The following CTNNA2 variants were observed in gnomAD, a reference collection of about 807,000 sequenced individuals.
The protein encoded by CTNNA2 is catenin alpha 2, also known as catenin alpha-2.
A neutral mutation model predicts 101.0 loss-of-function variants in CTNNA2; 42 were observed. That is an observed-to-expected ratio of 0.42 (90% CI 0.32 to 0.54). The LOEUF is 0.54. Ranked by LOEUF, CTNNA2 falls within the 20% of genes least tolerant of loss-of-function variation. CTNNA2 has a pLI of 0.14. For synonymous variants in CTNNA2, 450 were observed against 456.4 expected (o/e 0.99, Z 0.18); for missense variants, 871 against 1,223.1 (o/e 0.71, Z 4.29).
intron 5 of CTNNA2, among the ~76,000 whole-genome samples, chr2:79,870,482 G>A (rs1682503013): frequency 6.6e-6 from 1 of 152,024 alleles, no homozygotes. Flanking sequence ...AGTGGGGAAG[G>A]GGAGGAAGGG....
chr2:80,103,519 A>G lies in CTNNA2; in HGVS notation c.1056+193722A>G, dbSNP rs570134214. ...TTCCAAGAGGGGTATAATTTAGTCT[A>G]TAACAATCCAAGTGTAAGGCACCTG... On this transcript the variant is annotated intron_variant, in intron 7 of 18. Coordinates refer to ENST00000402739, the MANE Select transcript of CTNNA2 (RefSeq NM_001282597.3). Among the ~76,000 whole-genome samples the G allele has an allele frequency of 5.3e-5, 8 of 152,296 alleles. No individual in the cohort carries two copies. In the East Asian group the frequency reaches 1.6e-3, roughly 30 times the overall value.
chr2:80,398,683 C>T (rs1478574165), intron 8 of CTNNA2, among the ~76,000 whole-genome samples: 5 of 143,158 alleles, frequency 3.5e-5, no homozygotes, highest in East Asian at 2.1e-4. Context: ...GGTGAAACTC[C>T]GTCTCTGCTA....
rs187032523 is a variant in CTNNA2, at chr2:79,764,773, C to T, written c.298+20191C>T. 1.5e-3 allele frequency among the ~76,000 whole-genome samples: 232 copies of T among 152,168 alleles called. 1 individual carries two copies. Among genetic ancestry groups the T allele is most frequent in the African/African-American group, 5.4e-3 (222 of 41,494 alleles). ...CTTAAAATTGCCTTTTTTTAAAAGA[C>T]TTCATTTTGCTTTAGATAGACTAAA... On this transcript the variant is annotated intron_variant, in intron 3 of 18. Coordinates refer to ENST00000402739, the MANE Select transcript of CTNNA2 (RefSeq NM_001282597.3).
chr2:79,709,653 C>A (rs561372442), intron 2 of CTNNA2, among the ~76,000 whole-genome samples: 2 of 152,150 alleles, frequency 1.3e-5, no homozygotes, highest in East Asian at 1.9e-4. Flanking sequence ...GTGACTACTG[C>A]AGTATGCCAG....
intron 3 of CTNNA2, among the ~76,000 whole-genome samples, chr2:79,822,692 C>T (rs1284699604): frequency 6.6e-6 from 1 of 152,128 alleles, no homozygotes; most frequent in Non-Finnish European, 1.5e-5. Flanking sequence ...CTTCATATGG[C>T]TATTCTCATC....
chr2:79,896,043 G>C (rs1684692106), intron 6 of CTNNA2, among the ~76,000 whole-genome samples: 1 of 152,106 alleles, frequency 6.6e-6, no homozygotes, highest in Admixed American at 6.5e-5. Flanking sequence ...AGCACTTTGG[G>C]AGGCTGAGGG....
In CTNNA2 at chr2:79,695,055, G is replaced by A. The variant is rs117476183; in HGVS notation, c.102+43397G>A. 7.2e-3 allele frequency among the ~76,000 whole-genome samples: 1,073 copies of A among 148,820 alleles called. 38 individuals carry two copies. The East Asian group carries it at 0.1, about 14-fold the overall frequency. ...TTTTTTTTGGGGTATTATGTGAAAA[G>A]AAATCTTCTCTTTCACATTACTTTT... On this transcript the variant is annotated intron_variant, in intron 2 of 18. Transcript: ENST00000402739.
intron 4 of CTNNA2, among the ~76,000 whole-genome samples, chr2:79,415,876 A>G (rs1327954423): frequency 6.6e-6 from 1 of 152,162 alleles, no homozygotes; most frequent in Non-Finnish European, 1.5e-5. Flanking sequence ...CAGTCTTACA[A>G]TTGGGGAAGT....
chr2:80,613,802 GGAGACATGGATTGACC>G (rs1395278581), intron 17 of CTNNA2, among the ~76,000 whole-genome samples: 1 of 151,438 alleles, frequency 6.6e-6, no homozygotes. Flanking sequence ...TACCTTAACT[GGAGACATGGATTGACC>G]TTAATTCGAT....
chr2:79,852,051 T>C (rs1203110493), intron 3 of CTNNA2, among the ~76,000 whole-genome samples: 1 of 152,152 alleles, frequency 6.6e-6, no homozygotes, highest in Non-Finnish European at 1.5e-5. Flanking sequence ...TCTCATCTTT[T>C]CTAAGAATTC....
intron 9 of CTNNA2, among the ~76,000 whole-genome samples, chr2:80,483,368 T>TTATA (rs10635965): frequency 0.2 from 29,055 of 145,908 alleles, 3,601 homozygotes; most frequent in East Asian, 0.61. Flanking sequence ...TGTTGTTGTT[T>TTATA]TATATATATA....
chr2:79,886,308 G>C (rs1489084466), intron 6 of CTNNA2, among the ~76,000 whole-genome samples: 2 of 152,144 alleles, frequency 1.3e-5, no homozygotes, highest in African/African-American at 4.8e-5. Flanking sequence ...GGTGGGTAAA[G>C]CCTGCATAAA....
chr2:79,476,214 C>G (rs534926222), intron 4 of CTNNA2, among the ~76,000 whole-genome samples: 1 of 152,234 alleles, frequency 6.6e-6, no homozygotes, highest in Non-Finnish European at 1.5e-5. Flanking sequence ...GAATCTCAGC[C>G]AAGCCATGCA....
At chr2:79,531,193 CTCATATATATAT>C (rs1672714317) in intron 1 of CTNNA2, among the ~76,000 whole-genome samples, 1 of 97,402 alleles carries the variant, frequency 1.0e-5, no homozygotes, top group Admixed American at 1.3e-4. Context: ...AATAGATACG[CTCATATATATAT>C]ATATATATAT....
chr2:80,613,881 A>G (rs934105581), intron 17 of CTNNA2, among the ~76,000 whole-genome samples: 2 of 151,454 alleles, frequency 1.3e-5, no homozygotes, highest in Non-Finnish European at 1.5e-5. Context: ...TGGGCTGACG[A>G]GTAATTTCTA....
chr2:80,086,984 A>G (rs896471182), intron 7 of CTNNA2, among the ~76,000 whole-genome samples: 4 of 152,040 alleles, frequency 2.6e-5, no homozygotes, highest in Non-Finnish European at 5.9e-5. Flanking sequence ...GAGGATTACT[A>G]ACAGAGCAGC....
intron 7 of CTNNA2, among the ~76,000 whole-genome samples, chr2:80,321,277 G>C (rs1032946643): frequency 7.2e-5 from 11 of 152,172 alleles, no homozygotes; most frequent in Admixed American, 4.6e-4. Context: ...GGCTTTGGAG[G>C]TTTCATTGGG....
chr2:79,967,678 T>C (rs1457753893), intron 7 of CTNNA2, among the ~76,000 whole-genome samples: 1 of 152,216 alleles, frequency 6.6e-6, no homozygotes, highest in Non-Finnish European at 1.5e-5. Context: ...TTAAAAGTTA[T>C]ACATAGAATT....
chr2:79,699,568 C>T (rs1684855485), intron 2 of CTNNA2, among the ~76,000 whole-genome samples: 2 of 151,622 alleles, frequency 1.3e-5, no homozygotes, highest in Admixed American at 6.6e-5. Flanking sequence ...GGGGTATTCC[C>T]ATATGGATCC....
Sources: allele counts gnomAD v4.1 joint callset (sites outside exome capture counted in the v4.1 genomes callset), GRCh38; gene constraint gnomAD v4.1.1; transcripts MANE v1.5; gene names NCBI Gene and HGNC (gene_info 2026-07-23, HGNC 2026-07-21).